Variants in IPCEF1 observed in about 807,000 individuals in gnomAD.
IPCEF1 encodes the protein interactor protein for cytohesin exchange factors 1.
In IPCEF1, 31 loss-of-function variants were observed where a neutral mutation model predicts 50.9. The observed-to-expected ratio is 0.61, with a 90% CI of 0.46 to 0.82. IPCEF1 has a LOEUF of 0.82. IPCEF1 is among the 40% of genes least tolerant of loss of function. The probability of loss-of-function intolerance (pLI) is 0.00; values close to 1 mark genes in which losing one functional copy is unlikely to be tolerated. For missense variants in IPCEF1, 458 were observed against 514.0 expected (o/e 0.89, Z 1.05); for synonymous variants, 181 against 192.0 (o/e 0.94, Z 0.47).
Position 154,200,026 on chromosome 6 carries a change from T to C in IPCEF1, c.552A>G (p.Ala184=). ...SQTQSLTAQQ[A]SSSSPSLSGT... ...CACTCAGGCTGGGTGAGGATGAAGA[T>C]GCCTGCTGTGCAGTCTATTTTTCAC... Residue 184 remains alanine (A), a synonymous_variant, in exon 10 of 12, where the codon GCA becomes GCG. Coordinates refer to ENST00000367220, the MANE Select transcript of IPCEF1 (RefSeq NM_001130700.2). The C allele has an allele frequency of 6.2e-7, 1 of 1,608,290 alleles. No individual in the cohort carries two copies. The highest frequency in any genetic ancestry group is 8.5e-7 in the Non-Finnish European group (1 of 1,177,442).
At chr6:154,336,424 G>C (rs1256418170) in intron 1 of IPCEF1, among the ~76,000 whole-genome samples, 1 of 152,124 alleles carries the variant, frequency 6.6e-6, no homozygotes, top group South Asian at 2.1e-4. Context: ...GGCACAGAAA[G>C]ACAAATATCA....
At chr6:154,316,856 T>C (rs1783231973) in intron 1 of IPCEF1, among the ~76,000 whole-genome samples, 1 of 152,196 alleles carries the variant, frequency 6.6e-6, no homozygotes, top group South Asian at 2.1e-4. Flanking sequence ...TAAAACAACA[T>C]GTACCTAGTA....
At chr6:154,244,297 G>GT (rs1562563675) in intron 5 of IPCEF1, among the ~76,000 whole-genome samples, 1 of 76,802 alleles carries the variant, frequency 1.3e-5, no homozygotes, top group Non-Finnish European at 2.7e-5. Context: ...TGTGTGTGTG[G>GT]GTGGGTGTGT....
At chr6:154,264,067 C>T (rs1462739286) in intron 3 of IPCEF1, among the ~76,000 whole-genome samples, 1 of 150,864 alleles carries the variant, frequency 6.6e-6, no homozygotes, top group East Asian at 2.0e-4. Flanking sequence ...GCCAAAGCCT[C>T]CTACCGCAGC....
chr6:154,302,042 A>G (rs1782810138), intron 1 of IPCEF1, among the ~76,000 whole-genome samples: 1 of 152,164 alleles, frequency 6.6e-6, no homozygotes, highest in Admixed American at 6.5e-5. Context: ...GAGTTTATAG[A>G]TAGACAACTT....
In IPCEF1 at chr6:154,316,300, C is replaced by T. The variant is rs74839452; in HGVS notation, c.-61-26544G>A. On this transcript the variant is annotated intron_variant, in intron 1 of 11. Transcript: ENST00000367220. ...CTTAATAAACTACAGCACAGCATCACTTTTATATGCACTGGGAAACCAAAA... is the reference window on the plus strand; with the variant it reads ...CTTAATAAACTACAGCACAGCATCATTTTTATATGCACTGGGAAACCAAAA... Among the ~76,000 whole-genome samples the T allele has an allele frequency of 4.8e-3, 734 of 152,282 alleles. 2 individuals carry two copies. The highest frequency in any genetic ancestry group is 8.7e-3 in the Non-Finnish European group (593 of 68,016).
At position 154,167,795 on chromosome 6, in the gene IPCEF1, T is replaced by C. The variant is rs1424027017; in HGVS notation, c.1104+125A>G. On this transcript the variant is annotated intron_variant, in intron 11 of 11. Transcript: ENST00000367220. ...ATCATCTTGCCCTATAAAGGTTATATTTACTTTTACAGCCCTTCCCTGCAA... is the reference window on the plus strand; with the variant it reads ...ATCATCTTGCCCTATAAAGGTTATACTTACTTTTACAGCCCTTCCCTGCAA... 6 of 668,182 alleles carry C rather than the reference T, an allele frequency of 9.0e-6. No individual in the cohort carries two copies. In the African/African-American group the frequency reaches 1.1e-4, roughly 12 times the overall value. 41.4% of individuals were successfully genotyped at this position (668,182 alleles called of 1,614,324 possible).
chr6:154,204,212 TG>T (rs1777300880), intron 9 of IPCEF1, among the ~76,000 whole-genome samples: 1 of 152,232 alleles, frequency 6.6e-6, no homozygotes, highest in South Asian at 2.1e-4. Flanking sequence ...ATCATTCAAA[TG>T]TTAGCCCTAA....
chr6:154,340,290 G>C (rs931626018), intron 1 of IPCEF1, among the ~76,000 whole-genome samples: 1 of 151,558 alleles, frequency 6.6e-6, no homozygotes, highest in South Asian at 2.1e-4. Context: ...TTGCTCTGTC[G>C]CCCAGGCTGG....
chr6:154,351,170 T>C (rs753653283), intron 1 of IPCEF1, among the ~76,000 whole-genome samples: 23 of 152,200 alleles, frequency 1.5e-4, no homozygotes, highest in Non-Finnish European at 2.5e-4. Context: ...CGCTAAAAAA[T>C]TGAGCCTAAT....
intron 1 of IPCEF1, among the ~76,000 whole-genome samples, chr6:154,337,700 A>G (rs1301010438): frequency 6.6e-6 from 1 of 152,248 alleles, no homozygotes; most frequent in East Asian, 1.9e-4. Flanking sequence ...TTGGCTAGGA[A>G]GAAAAGTGTT....
intron 1 of IPCEF1, among the ~76,000 whole-genome samples, chr6:154,313,504 C>G (rs879492191): frequency 1.3e-5 from 2 of 152,090 alleles, no homozygotes; most frequent in African/African-American, 4.8e-5. Flanking sequence ...GTCTATCCTA[C>G]TGGATATTGG....
chr6:154,338,764 T>C (rs1253297464), intron 1 of IPCEF1, among the ~76,000 whole-genome samples: 1 of 151,846 alleles, frequency 6.6e-6, no homozygotes. Flanking sequence ...CCAAAAAACA[T>C]ACAAAAAATT....
In IPCEF1 at chr6:154,308,985, G is replaced by T. The variant is rs192075222; in HGVS notation, c.-61-19229C>A. On this transcript the variant is annotated intron_variant, in intron 1 of 11. Transcript: ENST00000367220. Reference sequence around the variant, plus strand: ...TTAAAAGTGTAAACATCTACATTTGGTTTTTTTGTTTTTTTAAAAAGGAAC... The same window carrying T: ...TTAAAAGTGTAAACATCTACATTTGTTTTTTTTGTTTTTTTAAAAAGGAAC... 2.1e-3 allele frequency among the ~76,000 whole-genome samples: 324 copies of T among 152,172 alleles called. 1 individual carries two copies. Among genetic ancestry groups the T allele is most frequent in the African/African-American group, 7.5e-3 (310 of 41,518 alleles).
At chr6:154,167,151 A>G (rs1799505286) in intron 11 of IPCEF1, among the ~76,000 whole-genome samples, 1 of 152,206 alleles carries the variant, frequency 6.6e-6, no homozygotes, top group African/African-American at 2.4e-5. Context: ...CACTTACAGA[A>G]TCTATCAAAG....
Position 154,168,125 on chromosome 6 carries a change from A to G in IPCEF1, c.911-12T>C. 3.3e-6 allele frequency: 5 copies of G among 1,525,840 alleles called. No individual in the cohort carries two copies. Among genetic ancestry groups the G allele is most frequent in the Non-Finnish European group, 4.4e-6 (5 of 1,129,608 alleles). 94.5% of individuals were successfully genotyped at this position (1,525,840 alleles called of 1,614,324 possible). On this transcript the variant is annotated splice_polypyrimidine_tract_variant and intron_variant, in intron 10 of 11. Coordinates refer to ENST00000367220, the MANE Select transcript of IPCEF1 (RefSeq NM_001130700.2). The surrounding 1 kb of genome is among the most constrained non-coding windows in gnomAD (Gnocchi z 4.1). ...CACTTTTGTCTCTTCTATTTGAAAA[A>G]AAAAAAGAAAGCAGTAACAATAAAC...
chr6:154,192,225 C>T (rs1333712937), intron 10 of IPCEF1, among the ~76,000 whole-genome samples: 1 of 151,994 alleles, frequency 6.6e-6, no homozygotes, highest in Non-Finnish European at 1.5e-5. Flanking sequence ...TATATCTCTT[C>T]AGCATGGGTG....
At chr6:154,182,884 G>A (rs1801012730) in intron 10 of IPCEF1, among the ~76,000 whole-genome samples, 1 of 152,170 alleles carries the variant, frequency 6.6e-6, no homozygotes, top group South Asian at 2.1e-4. Context: ...GAACACTTCA[G>A]GTCAAGAACA....
intron 3 of IPCEF1, among the ~76,000 whole-genome samples, chr6:154,264,935 G>A (rs1781715985): frequency 6.6e-6 from 1 of 152,128 alleles, no homozygotes; most frequent in Non-Finnish European, 1.5e-5. Context: ...TTTGCGTCAA[G>A]AAACCACAGT....
Sources: allele counts gnomAD v4.1 joint callset (sites outside exome capture counted in the v4.1 genomes callset), GRCh38; gene constraint gnomAD v4.1.1; non-coding constraint Gnocchi (gnomAD v3.1); transcripts MANE v1.5; gene names NCBI Gene and HGNC (gene_info 2026-07-23, HGNC 2026-07-21).